CAD: variants seen among roughly 807,000 people sequenced by gnomAD.
CAD encodes carbamoyl-phosphate synthetase 2, aspartate transcarbamylase, and dihydroorotase.
In CAD, 81 loss-of-function variants were observed where a neutral mutation model predicts 237.2. The observed-to-expected ratio is 0.34, with a 90% CI of 0.29 to 0.41. CAD has a LOEUF of 0.41. Ranked by LOEUF, CAD falls within the 10% of genes least tolerant of loss-of-function variation. The pLI is 1.00. For missense variants in CAD, 2,181 were observed against 2,951.7 expected (o/e 0.74, Z 6.05); for synonymous variants, 1,196 against 1,162.8 (o/e 1.03, Z -0.58).
At chr2:27,223,164 C>G (rs1329942458) in intron 6 of CAD, 127 bp downstream of exon 6, 7 of 964,554 alleles carry the variant, frequency 7.3e-6, no homozygotes, top group Non-Finnish European at 1.1e-5. Flanking sequence ...GGTGAGGTGG[C>G]TCCCACCTGT....
chr2:27,237,632 C>A lies in CAD; in HGVS notation c.4564-86C>A. 6.4e-7 allele frequency: 1 copy of A among 1,573,220 alleles called. No individual in the cohort carries two copies. The highest frequency in any genetic ancestry group is 8.6e-7 in the Non-Finnish European group (1 of 1,156,766). On this transcript the variant is annotated intron_variant, in intron 28 of 43. Transcript: ENST00000264705. This position sits in a 1 kb window ranked among gnomAD's most constrained non-coding sequence, Gnocchi z 4.0. ...TCCCTGAGCCCTTTTCCTTCTGCCC[C>A]GCCCTATGGGCCCAGGCCACTGGTG... is the stretch of plus-strand genomic sequence containing the variant.
intron 6 of CAD, 109 bp downstream of exon 6, chr2:27,223,146 G>A (rs940457762): frequency 7.8e-5 from 94 of 1,208,340 alleles, no homozygotes; most frequent in Non-Finnish European, 1.0e-4. Flanking sequence ...AGGAGCGGGG[G>A]GGTTGCAGGT....
intron 1 of CAD, 33 bp from the exon 2 acceptor site, chr2:27,217,844 C>A (rs758608292): frequency 9.0e-6 from 14 of 1,563,608 alleles, no homozygotes; most frequent in Non-Finnish European, 1.2e-5. Context: ...GAAGGGTGCC[C>A]TACCGGAGCC....
rs964554858 is a variant in CAD at position 27,239,140 on chromosome 2, G to A, written c.5161G>A (p.Gly1721Ser). 1.9e-6 allele frequency: 3 copies of A among 1,613,568 alleles called. No individual in the cohort carries two copies. Among genetic ancestry groups the A allele is most frequent in the Middle Eastern group, 1.7e-4 (1 of 6,060 alleles). Residue 1721 changes from glycine to serine, a missense_variant, in exon 32 of 44, where the codon GGC (glycine) becomes AGC (serine). Physicochemically the swap from Gly to Ser is moderately conservative, Grantham distance 56 (BLOSUM62 0). Around this residue, in one of 12 missense-constraint regions of CAD, gnomAD observed 478 missense variants for 515.0 expected, o/e 0.93. Coordinates refer to ENST00000264705, the MANE Select transcript of CAD (RefSeq NM_004341.5). The surrounding 1 kb of genome is among the most constrained non-coding windows in gnomAD (Gnocchi z 4.0). ...ACTACTCCTGACGGCTGTAAGCGAG[G>A]GCCGGCTCAGCCTGGACGACCTGCT... ...LPLLLTAVSE[G>S]RLSLDDLLQR...
Position 27,236,783 on chromosome 2 carries a change from A to C in CAD, c.4349A>C (p.Lys1450Thr). Residue 1450 changes from lysine (K) to threonine (T), a missense_variant, in exon 27 of 44, where the codon AAG becomes ACG. Around this residue, in one of 12 missense-constraint regions of CAD, gnomAD observed 306 missense variants for 607.9 expected, o/e 0.50. Coordinates refer to ENST00000264705, the MANE Select transcript of CAD (RefSeq NM_004341.5). This position sits in a 1 kb window ranked among gnomAD's most constrained non-coding sequence, Gnocchi z 4.1. ...LGQIGPAPPL[K>T]VHVDCMTSQK... Reference sequence around the variant, plus strand: ...CAGATCGGGCCAGCCCCTCCTTTGAAGGTGCATGTTGACTGTATGACCTCC... The same window carrying C: ...CAGATCGGGCCAGCCCCTCCTTTGACGGTGCATGTTGACTGTATGACCTCC... 6.2e-7 allele frequency: 1 copy of C among 1,614,134 alleles called. No homozygotes were observed. Among genetic ancestry groups the C allele is most frequent in the East Asian group, 2.2e-5 (1 of 44,866 alleles).
chr2:27,238,228 C>T, intron 30 of CAD, 41 bp downstream of exon 30: 4 of 1,604,876 alleles, frequency 2.5e-6, no homozygotes, highest in Non-Finnish European at 2.6e-6. Context: ...TGTTGCTTTC[C>T]CAGTAACACC....
Position 27,226,826 on chromosome 2 carries a change from C to G in CAD, c.2157-6C>G, listed in dbSNP as rs751304510. ...TCCTTCTGGCATCCCACCTGCTGGACCCCAGGAACTCTGTGACAGGGGGTA... is the reference window on the plus strand; with the variant it reads ...TCCTTCTGGCATCCCACCTGCTGGAGCCCAGGAACTCTGTGACAGGGGGTA... On this transcript the variant is annotated splice_region_variant and splice_polypyrimidine_tract_variant and intron_variant, in intron 14 of 43. Coordinates refer to ENST00000264705, the MANE Select transcript of CAD (RefSeq NM_004341.5). 5.0e-6 allele frequency: 8 copies of G among 1,613,970 alleles called. No individual in the cohort carries two copies. Among genetic ancestry groups the G allele is most frequent in the Non-Finnish European group, 6.8e-6 (8 of 1,179,968 alleles).
At position 27,217,417 on chromosome 2, in the gene CAD, GC is replaced by G. The variant is rs778987151; in HGVS notation, c.-132del. 1.0e-4 allele frequency: 79 copies of G among 768,092 alleles called. No homozygotes were observed. The highest frequency in any genetic ancestry group is 1.5e-4 in the Non-Finnish European group (69 of 450,632). 47.6% of individuals were successfully genotyped at this position (768,092 alleles called of 1,614,324 possible). ...GCGCCCGAGGCTCCTACGCTGCCGCGCCCGGCTTCTCTCCAGCGCCCCGCGC... is the reference window on the plus strand; with the variant it reads ...GCGCCCGAGGCTCCTACGCTGCCGCGCCGGCTTCTCTCCAGCGCCCCGCGC... On this transcript the variant is annotated 5_prime_UTR_variant, in exon 1 of 44. Coordinates refer to ENST00000264705, the MANE Select transcript of CAD (RefSeq NM_004341.5).
chr2:27,224,831 C>T lies in CAD; in HGVS notation c.1341C>T (p.Ala447=), dbSNP rs201924140. 20 of 1,614,116 alleles carry T rather than the reference C, an allele frequency of 1.2e-5. No homozygotes were observed. The highest frequency in any genetic ancestry group is 3.3e-5 in the Admixed American group (2 of 60,022). Residue 447 remains alanine (A), a synonymous_variant, in exon 10 of 44, where the codon GCC becomes GCT. Coordinates refer to ENST00000264705, the MANE Select transcript of CAD (RefSeq NM_004341.5). ...IATVQTSQGL[A]DKVYFLPITP... ...CAGTGCAGACCTCCCAGGGGCTGGC[C>T]GACAAGGTCTATTTTCTTCCCATAA...
At position 27,232,705 on chromosome 2, in the gene CAD, TC is replaced by T. The variant is rs1369331578; in HGVS notation, c.2892+12del. ...CAGCAGCTCCGAAAGGTCAGAGAGTTCATTTTCTTTCCACTTTCCTTGCTAT... is the reference window on the plus strand; with the variant it reads ...CAGCAGCTCCGAAAGGTCAGAGAGTTATTTTCTTTCCACTTTCCTTGCTAT... On this transcript the variant is annotated intron_variant, in intron 18 of 43. Coordinates refer to ENST00000264705, the MANE Select transcript of CAD (RefSeq NM_004341.5). This position sits in a 1 kb window ranked among gnomAD's most constrained non-coding sequence, Gnocchi z 4.1. 1 of 1,614,108 alleles carries T rather than the reference TC, an allele frequency of 6.2e-7. No homozygotes were observed. Among genetic ancestry groups the T allele is most frequent in the South Asian group, 1.1e-5 (1 of 91,070 alleles).
intron 15 of CAD, among the ~76,000 whole-genome samples, chr2:27,229,599 C>T (rs1435981028): frequency 1.3e-5 from 2 of 151,986 alleles, no homozygotes; most frequent in Non-Finnish European, 2.9e-5. Context: ...CGAAATGGGC[C>T]GGGCGCGGTG....
chr2:27,236,923 T>G lies in CAD; in HGVS notation c.4396+93T>G. The G allele has an allele frequency of 9.8e-7, 1 of 1,023,116 alleles. No homozygotes were observed. Among genetic ancestry groups the G allele is most frequent in the Non-Finnish European group, 1.6e-6 (1 of 642,170 alleles). The allele number at this position is 1,023,116 out of a possible 1,614,324, so 63.4% of individuals were successfully genotyped here. On this transcript the variant is annotated intron_variant, in intron 27 of 43. Transcript: ENST00000264705. This position sits in a 1 kb window ranked among gnomAD's most constrained non-coding sequence, Gnocchi z 4.1. The stretch of plus-strand genomic sequence containing the variant: ...TGAAGGATGGCTGGGGGGCCCACTC[T>G]TTGTCCTGGACTGCACAGACTGTGA...
Position 27,231,885 on chromosome 2 carries a change from A to G in CAD, c.2401-95A>G, listed in dbSNP as rs957880967. On this transcript the variant is annotated intron_variant, in intron 16 of 43. Transcript: ENST00000264705. ...AGTTACACAGCCTGTGCTCTGGTGTACAGTTTCCCCTTCCTGAGACAAGAG... is the reference window on the plus strand; with the variant it reads ...AGTTACACAGCCTGTGCTCTGGTGTGCAGTTTCCCCTTCCTGAGACAAGAG... 3.5e-5 allele frequency: 51 copies of G among 1,464,382 alleles called. No homozygotes were observed. The African/African-American group carries it at 5.8e-4, about 17-fold the overall frequency. 90.7% of individuals were successfully genotyped at this position (1,464,382 alleles called of 1,614,324 possible).
Position 27,233,407 on chromosome 2 carries a change from G to A in CAD, c.3087G>A (p.Arg1029=), listed in dbSNP as rs143119049. The A allele has an allele frequency of 6.2e-7, 1 of 1,614,122 alleles. No individual in the cohort carries two copies. Among genetic ancestry groups the A allele is most frequent in the African/African-American group, 1.3e-5 (1 of 74,940 alleles). The change falls in exon 20 of 44, where the codon CGG becomes CGA. Residue 1029 remains arginine, a synonymous_variant. Transcript: ENST00000264705. The surrounding 1 kb of genome is among the most constrained non-coding windows in gnomAD (Gnocchi z 6.3). ...ACAACATGGCCATGGCGTTGCATCG[G>A]CAGCAGTGCCGGGTGCTGGGCACCT... The part of the protein sequence containing the change: ...LPNNMAMALH[R]QQCRVLGTSP...
chr2:27,227,212 A>G (rs973123120), intron 15 of CAD, among the ~76,000 whole-genome samples: 1 of 152,134 alleles, frequency 6.6e-6, no homozygotes, highest in African/African-American at 2.4e-5. Flanking sequence ...CTCCTCTGGC[A>G]CTTTGTGCTT....
In CAD at chr2:27,242,483, C is replaced by G; in HGVS notation, c.6222+56C>G. The G allele has an allele frequency of 3.8e-6, 6 of 1,592,356 alleles. No homozygotes were observed. Among genetic ancestry groups the G allele is most frequent in the Non-Finnish European group, 5.1e-6 (6 of 1,166,090 alleles). On this transcript the variant is annotated intron_variant, in intron 40 of 43. Transcript: ENST00000264705. This position sits in a 1 kb window ranked among gnomAD's most constrained non-coding sequence, Gnocchi z 6.4. ...CCAGGGGACGATCTAGAGAGGGAGG[C>G]AGGAAGTGGTTACCCCGGTACAGGA... is the stretch of plus-strand genomic sequence containing the variant.
chr2:27,238,240 A>G lies in CAD; in HGVS notation c.4860+53A>G. On this transcript the variant is annotated intron_variant, in intron 30 of 43. Transcript: ENST00000264705. The stretch of plus-strand genomic sequence containing the variant: ...CCCTGTTGCTTTCCCAGTAACACCA[A>G]AGGTCAGGGTAGTCCTTAGGGGCAG... 5 of 1,599,540 alleles carry G rather than the reference A, an allele frequency of 3.1e-6. No individual in the cohort carries two copies. The South Asian group carries it at 5.6e-5, about 18-fold the overall frequency.
intron 14 of CAD, 50 bp downstream of exon 14, chr2:27,226,699 G>A: frequency 1.2e-6 from 2 of 1,610,104 alleles, no homozygotes; most frequent in East Asian, 2.2e-5. Context: ...CGGGGGCTGA[G>A]GAAAATATTG....
At position 27,233,016 on chromosome 2, in the gene CAD, A is replaced by G. The variant is rs1172924031; in HGVS notation, c.2893-26A>G. On this transcript the variant is annotated intron_variant, in intron 18 of 43. Coordinates refer to ENST00000264705, the MANE Select transcript of CAD (RefSeq NM_004341.5). The surrounding 1 kb of genome is among the most constrained non-coding windows in gnomAD (Gnocchi z 6.3). ...ACGATTTTCCTCCCACCTGACTGCT[A>G]AGTACCCTTCCCCTCCCTCTTGCAG... is the stretch of plus-strand genomic sequence containing the variant. 4 of 1,467,648 alleles carry G rather than the reference A, an allele frequency of 2.7e-6. No homozygotes were observed. The highest frequency in any genetic ancestry group is 1.4e-5 in the African/African-American group (1 of 71,972). 90.9% of individuals were successfully genotyped at this position (1,467,648 alleles called of 1,614,324 possible).
Sources: gnomAD v4.1 joint callset for allele counts (sites outside exome capture counted in the v4.1 genomes callset) on GRCh38, gnomAD v4.1.1 for gene constraint, gnomAD v4.1.1 regional missense constraint, Gnocchi (gnomAD v3.1) non-coding constraint, MANE v1.5 for transcripts, NCBI Gene and HGNC (gene_info 2026-07-23, HGNC 2026-07-21) for gene names.